The following RBFOX1 variants were observed in gnomAD, a reference collection of about 807,000 sequenced individuals.
RBFOX1 encodes RNA binding protein fox-1 homolog 1.
Under a neutral mutation model 57.7 loss-of-function variants are expected in RBFOX1, and 8 were observed. That is an observed-to-expected ratio of 0.14 (90% CI 0.08 to 0.25). The LOEUF is 0.25. Ranked by LOEUF, RBFOX1 falls within the 10% of genes least tolerant of loss-of-function variation. The pLI, the probability that RBFOX1 is intolerant of heterozygous loss-of-function variation, is 1.00. For synonymous variants in RBFOX1, 326 were observed against 222.4 expected (o/e 1.47, Z -4.15); for missense variants, 611 against 548.5 (o/e 1.11, Z -1.14).
chr16:5,553,240 C>A (rs923918701), intron 2 of RBFOX1, among the ~76,000 whole-genome samples: 2 of 151,882 alleles, frequency 1.3e-5, no homozygotes, highest in Non-Finnish European at 2.9e-5. Flanking sequence ...ATGTATCAAA[C>A]CTGCACCTTG....
chr16:7,044,051 C>G (rs188507478), intron 3 of RBFOX1, among the ~76,000 whole-genome samples: 22 of 152,150 alleles, frequency 1.4e-4, no homozygotes, highest in African/African-American at 4.8e-4. Flanking sequence ...TTGTAATTAT[C>G]CATAGACTCA....
At chr16:6,985,648 C>T (rs1240573549) in intron 3 of RBFOX1, among the ~76,000 whole-genome samples, 1 of 151,926 alleles carries the variant, frequency 6.6e-6, no homozygotes, top group Non-Finnish European at 1.5e-5. Flanking sequence ...ACCAGCGTGG[C>T]AAAACCCCAT....
chr16:5,317,470 G>A (rs2064274253), intron 1 of RBFOX1, among the ~76,000 whole-genome samples: 1 of 152,176 alleles, frequency 6.6e-6, no homozygotes, highest in Non-Finnish European at 1.5e-5. Context: ...TTAGTTGGGC[G>A]TGGTGGCGCA....
chr16:5,823,000 T>C (rs1306814504), intron 3 of RBFOX1, among the ~76,000 whole-genome samples: 3 of 152,228 alleles, frequency 2.0e-5, no homozygotes, highest in Admixed American at 1.3e-4. Context: ...CTGTAGGAAC[T>C]ATGCTGTGTA....
intron 4 of RBFOX1, among the ~76,000 whole-genome samples, chr16:7,307,852 G>A (rs2096227444): frequency 6.6e-6 from 1 of 152,196 alleles, no homozygotes; most frequent in South Asian, 2.1e-4. Flanking sequence ...CAATCTTGCT[G>A]TCCAGGGAAA....
At chr16:5,549,955 C>T (rs982758887) in intron 2 of RBFOX1, among the ~76,000 whole-genome samples, 17 of 152,112 alleles carry the variant, frequency 1.1e-4, no homozygotes, top group East Asian at 3.9e-4. Context: ...TGTATGTGTG[C>T]GCCCATGTGC....
At chr16:5,508,835 A>T (rs1248278615) in intron 2 of RBFOX1, among the ~76,000 whole-genome samples, 1 of 152,180 alleles carries the variant, frequency 6.6e-6, no homozygotes, top group Non-Finnish European at 1.5e-5. Context: ...TGCCTCTGGA[A>T]TGTGGTGGGA....
rs113640623 is a variant in RBFOX1 at position 6,451,632 on chromosome 16, C to T, written c.-64+134575C>T. 3.4e-3 allele frequency among the ~76,000 whole-genome samples: 519 copies of T among 152,272 alleles called. 3 individuals are homozygous for T. Among genetic ancestry groups the T allele is most frequent in the African/African-American group, 6.2e-3 (258 of 41,576 alleles). ...ACTTAGATACTTCCTGGTCATCTTT[C>T]GAGACTCAGCTCTGGGCTATCACCA... is the stretch of plus-strand genomic sequence containing the variant. On this transcript the variant is annotated intron_variant, in intron 2 of 15. Transcript: ENST00000550418.
At chr16:7,678,287 C>G (rs1389560971) in intron 14 of RBFOX1, among the ~76,000 whole-genome samples, 3 of 152,034 alleles carry the variant, frequency 2.0e-5, no homozygotes, top group African/African-American at 2.4e-5. Flanking sequence ...GTTGTTATCT[C>G]CAACACACTT....
In RBFOX1 at chr16:7,197,430, C is replaced by G. The variant is rs549728622; in HGVS notation, c.27+145332C>G. ...TAGTCATGGGGAGAGAGCCTAAAAA[C>G]CTGTGAGTGGAAAAAAAAAAAAAAA... On this transcript the variant is annotated intron_variant, in intron 4 of 15. Transcript: ENST00000550418. 2.3e-5 allele frequency among the ~76,000 whole-genome samples: 3 copies of G among 133,218 alleles called. No individual in the cohort carries two copies. The South Asian group carries it at 7.2e-4, about 32-fold the overall frequency. The allele number at this position is 133,218 out of a possible 152,430, so 87.4% of individuals were successfully genotyped here.
chr16:6,006,866 T>C (rs922391101), intron 4 of RBFOX1, among the ~76,000 whole-genome samples: 2 of 152,192 alleles, frequency 1.3e-5, no homozygotes, highest in African/African-American at 2.4e-5. Context: ...ATATGTTGAA[T>C]TGCATGCTCA....
chr16:6,210,650 A>G (rs1451757579), intron 1 of RBFOX1, among the ~76,000 whole-genome samples: 2 of 151,980 alleles, frequency 1.3e-5, no homozygotes, highest in African/African-American at 4.8e-5. Flanking sequence ...TGAACCCTGG[A>G]AGGTTGAGGC....
At chr16:5,686,153 A>C (rs781617070) in intron 3 of RBFOX1, among the ~76,000 whole-genome samples, 1 of 152,122 alleles carries the variant, frequency 6.6e-6, no homozygotes, top group Non-Finnish European at 1.5e-5. Flanking sequence ...GTGAATTTTT[A>C]CTCAATGTAC....
chr16:6,055,572 AACAGAGTGAG>A (rs2095604492), intron 1 of RBFOX1, among the ~76,000 whole-genome samples: 2 of 146,446 alleles, frequency 1.4e-5, no homozygotes, highest in African/African-American at 5.1e-5. Context: ...CAGCTTGGGC[AACAGAGTGAG>A]ACTCCGTCAA....
At chr16:7,004,206 G>A (rs2093096857) in intron 3 of RBFOX1, 1 of 152,024 alleles carries the variant, frequency 6.6e-6, no homozygotes, top group Non-Finnish European at 1.5e-5. Context: ...TGCATAAGAA[G>A]CATCTTATGC....
intron 2 of RBFOX1, chr16:6,483,285 A>G: frequency 7.3e-7 from 1 of 1,372,700 alleles, no homozygotes; most frequent in South Asian, 1.6e-5. Flanking sequence ...GCCTCCTTGC[A>G]CGGGCTGCTC....
chr16:5,540,577 A>T (rs1183216295), intron 2 of RBFOX1, among the ~76,000 whole-genome samples: 1 of 152,194 alleles, frequency 6.6e-6, no homozygotes, highest in African/African-American at 2.4e-5. Context: ...CTTTAGTGGT[A>T]TTTCTCAAAT....
At chr16:6,602,340 C>A (rs2097863171) in intron 2 of RBFOX1, among the ~76,000 whole-genome samples, 1 of 152,066 alleles carries the variant, frequency 6.6e-6, no homozygotes, top group South Asian at 2.1e-4. Context: ...CCGACGTATT[C>A]TTTTTCCTTT....
intron 3 of RBFOX1, among the ~76,000 whole-genome samples, chr16:5,820,410 C>T (rs1308578704): frequency 6.6e-6 from 1 of 152,124 alleles, no homozygotes; most frequent in Non-Finnish European, 1.5e-5. Context: ...TGAGGAAGGA[C>T]CATCCCGGTG....
Sources: gnomAD v4.1 joint callset for allele counts (sites outside exome capture counted in the v4.1 genomes callset) on GRCh38, gnomAD v4.1.1 for gene constraint, MANE v1.5 for transcripts, NCBI Gene and HGNC (gene_info 2026-07-23, HGNC 2026-07-21) for gene names.